The following FLI1 variants were observed in gnomAD, a reference collection of about 807,000 sequenced individuals.
FLI1 encodes the protein Friend leukemia integration 1 transcription factor.
In FLI1, 13 loss-of-function variants were observed where a neutral mutation model predicts 53.1. That is an observed-to-expected ratio of 0.24 (90% CI 0.16 to 0.39). The LOEUF (loss-of-function observed/expected upper bound fraction) is 0.39, where lower values mean the gene tolerates loss of function less well. FLI1 is among the 10% of genes least tolerant of loss of function. The pLI is 1.00. For synonymous variants in FLI1, 244 were observed against 236.7 expected (o/e 1.03, Z -0.28); for missense variants, 424 against 600.5 (o/e 0.71, Z 3.07).
chr11:128,685,855 G>C (rs142175049), upstream of FLI1, among the ~76,000 whole-genome samples: 1 of 152,020 alleles, frequency 6.6e-6, no homozygotes, highest in Non-Finnish European at 1.5e-5. Flanking sequence ...GGAGAGATAC[G>C]GCCGCCAGAC....
intron 1 of FLI1, among the ~76,000 whole-genome samples, chr11:128,704,895 G>T (rs149653677): frequency 6.6e-6 from 1 of 152,332 alleles, no homozygotes; most frequent in African/African-American, 2.4e-5. Context: ...TATCTATCCA[G>T]CTCAAGGTGA....
At chr11:128,792,285 C>A (rs373007738) in intron 5 of FLI1, among the ~76,000 whole-genome samples, 2 of 152,270 alleles carry the variant, frequency 1.3e-5, no homozygotes, top group East Asian at 1.9e-4. Flanking sequence ...TCATGCATTT[C>A]CCCCAAGTAG....
At position 128,758,253 on chromosome 11, in the gene FLI1, C is replaced by T. The variant is rs1363867469; in HGVS notation, c.157C>T (p.Pro53Ser). Residue 53 changes from proline (P) to serine (S), a missense_variant, in exon 2 of 9, where the codon CCA (proline) becomes TCA (serine). Pro to Ser is a moderately conservative substitution (Grantham distance 74). Coordinates refer to ENST00000527786, the MANE Select transcript of FLI1 (RefSeq NM_002017.5). ...GQPHKINPLPPQQEWINQPVR... is the reference protein window; with the variant it reads ...GQPHKINPLPSQQEWINQPVR... ...GCCCCACAAGATCAACCCCCTCCCA[C>T]CACAGCAGGAGTGGATCAATCAGCC... The T allele has an allele frequency of 8.1e-6, 13 of 1,613,578 alleles. No individual in the cohort carries two copies. Among genetic ancestry groups the T allele is most frequent in the African/African-American group, 1.3e-5 (1 of 74,916 alleles).
chr11:128,726,417 C>CT (rs1355600578), intron 1 of FLI1, among the ~76,000 whole-genome samples: 2 of 152,214 alleles, frequency 1.3e-5, no homozygotes, highest in African/African-American at 4.8e-5. Flanking sequence ...AATGAGGGTC[C>CT]TGCCTGGCCC....
At chr11:128,699,563 C>A in intron 1 of FLI1, among the ~76,000 whole-genome samples, 1 of 152,190 alleles carries the variant, frequency 6.6e-6, no homozygotes, top group East Asian at 1.9e-4. Flanking sequence ...TTTTCCTCTG[C>A]AGAAGACTAC....
intron 1 of FLI1, among the ~76,000 whole-genome samples, chr11:128,717,258 G>A (rs1207636024): frequency 6.6e-6 from 1 of 152,120 alleles, no homozygotes; most frequent in African/African-American, 2.4e-5. Context: ...CCTGTGATGG[G>A]GCTAAGGAGG....
chr11:128,764,721 G>A (rs1186470521), intron 2 of FLI1: 26 of 1,563,620 alleles, frequency 1.7e-5, no homozygotes, highest in Middle Eastern at 1.7e-4. Context: ...AGCGGCAGCC[G>A]TGGAGCCCCA....
chr11:128,758,209 G>A lies in FLI1; in HGVS notation c.113G>A (p.Gly38Glu), dbSNP rs573507310. 42 of 1,613,344 alleles carry A rather than the reference G, an allele frequency of 2.6e-5. No individual in the cohort carries two copies. Among genetic ancestry groups the A allele is most frequent in the Admixed American group, 2.0e-4 (12 of 59,960 alleles). The part of the protein sequence containing the change: ...HLPKADMTAS[G>E]SPDYGQPHKI... ...CCCAAGGCCGACATGACTGCCTCGG[G>A]GAGTCCTGACTACGGGCAGCCCCAC... The change falls in exon 2 of 9, where the codon GGG (glycine) becomes GAG (glutamate). Residue 38 changes from glycine to glutamate, a missense_variant. Transcript: ENST00000527786.
intron 4 of FLI1, among the ~76,000 whole-genome samples, chr11:128,775,155 C>T (rs942010033): frequency 6.6e-6 from 1 of 151,978 alleles, no homozygotes; most frequent in Non-Finnish European, 1.5e-5. Context: ...GGGCAGATAT[C>T]CAGAGTGGAG....
intron 5 of FLI1, among the ~76,000 whole-genome samples, chr11:128,801,121 A>G (rs1942624793): frequency 6.6e-6 from 1 of 152,188 alleles, no homozygotes; most frequent in South Asian, 2.1e-4. Context: ...CAAGTTTGTC[A>G]GTTCTCAGGA....
rs544233818 is a variant in FLI1, at chr11:128,803,402, A to G, written c.656-1964A>G. ...CTCTCCTCTCCCTCCACATTGCTCTACTTCAGTGGTACAGCTCCTCCCATG... is the reference window on the plus strand; with the variant it reads ...CTCTCCTCTCCCTCCACATTGCTCTGCTTCAGTGGTACAGCTCCTCCCATG... On this transcript the variant is annotated intron_variant, in intron 5 of 8. Transcript: ENST00000527786. 6.6e-5 allele frequency among the ~76,000 whole-genome samples: 10 copies of G among 152,032 alleles called. No homozygotes were observed. In the East Asian group the frequency reaches 1.7e-3, roughly 26 times the overall value.
At chr11:128,795,055 G>A (rs954095748) in intron 5 of FLI1, among the ~76,000 whole-genome samples, 2 of 152,214 alleles carry the variant, frequency 1.3e-5, no homozygotes, top group Non-Finnish European at 2.9e-5. Flanking sequence ...CAGCCTGAGC[G>A]ACAGAGTGAG....
upstream of FLI1, among the ~76,000 whole-genome samples, chr11:128,690,396 AC>A (rs1404562535): frequency 5.3e-5 from 8 of 151,806 alleles, no homozygotes; most frequent in Non-Finnish European, 1.0e-4. Context: ...TGACGGAGCC[AC>A]CCCTGGGTCT....
intron 2 of FLI1, among the ~76,000 whole-genome samples, chr11:128,763,940 A>G (rs758931046): frequency 7.2e-5 from 11 of 152,216 alleles, no homozygotes; most frequent in Non-Finnish European, 1.3e-4. Context: ...AGACTTCCTA[A>G]AGGCAATACA....
At chr11:128,756,390 A>G (rs979757422) in intron 1 of FLI1, among the ~76,000 whole-genome samples, 9 of 152,094 alleles carry the variant, frequency 5.9e-5, no homozygotes, top group Non-Finnish European at 1.3e-4. Context: ...TTCTTATAAG[A>G]ACACCAGTCA....
At chr11:128,720,229 A>ATAT (rs1240720086) in intron 1 of FLI1, among the ~76,000 whole-genome samples, 1 of 152,214 alleles carries the variant, frequency 6.6e-6, no homozygotes, top group Non-Finnish European at 1.5e-5. Flanking sequence ...GTATCATTAA[A>ATAT]TATTACACTA....
At chr11:128,801,701 C>A (rs1185458973) in intron 5 of FLI1, among the ~76,000 whole-genome samples, 1 of 152,160 alleles carries the variant, frequency 6.6e-6, no homozygotes, top group African/African-American at 2.4e-5. Flanking sequence ...CTAGTGATAT[C>A]ATGAACAATA....
At position 128,781,992 on chromosome 11, in the gene FLI1, C is replaced by G. The variant is rs770937644; in HGVS notation, c.624C>G (p.Thr208=). Reference sequence around the variant, plus strand: ...TGGCCTATAATACAACCTCCCACACCGACCAATCCTCACGATTGAGTGTCA... The same window carrying G: ...TGGCCTATAATACAACCTCCCACACGGACCAATCCTCACGATTGAGTGTCA... The part of the protein sequence containing the change: ...SLLAYNTTSH[T]DQSSRLSVKE... Residue 208 remains threonine (T), a synonymous_variant, in exon 5 of 9, where the codon ACC becomes ACG. Coordinates refer to ENST00000527786, the MANE Select transcript of FLI1 (RefSeq NM_002017.5). 3.7e-6 allele frequency: 6 copies of G among 1,613,904 alleles called. 1 individual carries two copies. The highest frequency in any genetic ancestry group is 5.1e-6 in the Non-Finnish European group (6 of 1,179,814).
At chr11:128,752,525 GTTACAC>G (rs1940691357) in intron 1 of FLI1, among the ~76,000 whole-genome samples, 1 of 152,192 alleles carries the variant, frequency 6.6e-6, no homozygotes, top group South Asian at 2.1e-4. Context: ...AAACACCGGA[GTTACAC>G]TTAAAGAGCT....
Sources: gnomAD v4.1 joint callset for allele counts (sites outside exome capture counted in the v4.1 genomes callset) on GRCh38, gnomAD v4.1.1 for gene constraint, MANE v1.5 for transcripts, NCBI Gene and HGNC (gene_info 2026-07-23, HGNC 2026-07-21) for gene names.